MGAT4C: variants seen among roughly 807,000 people sequenced by gnomAD.
MGAT4C encodes MGAT4 family member C.
In MGAT4C, 19 loss-of-function variants were observed where a neutral mutation model predicts 40.1. The observed-to-expected ratio is 0.47, with a 90% CI of 0.33 to 0.70. The LOEUF (loss-of-function observed/expected upper bound fraction) is 0.70, where lower values mean the gene tolerates loss of function less well. MGAT4C is among the 30% of genes least tolerant of loss of function. MGAT4C has a pLI of 0.02. For synonymous variants in MGAT4C, 181 were observed against 187.1 expected (o/e 0.97, Z 0.27); for missense variants, 491 against 563.2 (o/e 0.87, Z 1.30).
In MGAT4C at chr12:85,983,544, C is replaced by T. The variant is rs200901180; in HGVS notation, c.274G>A (p.Ala92Thr). Residue 92 changes from alanine (A) to threonine (T), a missense_variant, in exon 4 of 5, where the codon GCC (alanine) becomes ACC (threonine). Transcript: ENST00000611864. ...TTACGCTTTCTTTGTAAAGGTGTGGCAGCTAGGTAGCGATAGGTGACATTT... is the reference window on the plus strand; with the variant it reads ...TTACGCTTTCTTTGTAAAGGTGTGGTAGCTAGGTAGCGATAGGTGACATTT... ...AINVTYRYLA[A>T]TPLQRKRYLT... 1.4e-5 allele frequency: 22 copies of T among 1,579,516 alleles called. No homozygotes were observed. The East Asian group carries it at 2.5e-4, about 18-fold the overall frequency.
intron 1 of MGAT4C, among the ~76,000 whole-genome samples, chr12:86,131,315 C>A (rs953306758): frequency 2.0e-5 from 3 of 151,988 alleles, no homozygotes; most frequent in African/African-American, 7.2e-5. Flanking sequence ...CATTTCTGAT[C>A]CAGGCAAATG....
intron 2 of MGAT4C, among the ~76,000 whole-genome samples, chr12:86,552,830 T>G (rs2136398557): frequency 6.6e-6 from 1 of 152,246 alleles, no homozygotes; most frequent in South Asian, 2.1e-4. Flanking sequence ...CTCTCAATTT[T>G]AATGACTTGC....
At chr12:86,705,311 A>G (rs1446312854) in intron 2 of MGAT4C, among the ~76,000 whole-genome samples, 1 of 152,046 alleles carries the variant, frequency 6.6e-6, no homozygotes, top group Non-Finnish European at 1.5e-5. Context: ...TAAATGAAAT[A>G]CAATTGGTTA....
intron 2 of MGAT4C, among the ~76,000 whole-genome samples, chr12:86,606,347 G>A (rs993591344): frequency 1.2e-4 from 19 of 152,122 alleles, no homozygotes; most frequent in Admixed American, 7.2e-4. Flanking sequence ...ATGTTATTGC[G>A]GTGTGGACGT....
intron 3 of MGAT4C, among the ~76,000 whole-genome samples, chr12:86,373,493 CAAAT>C (rs368223208): frequency 1.3e-5 from 2 of 151,820 alleles, no homozygotes; most frequent in African/African-American, 4.8e-5. Context: ...TATTTTTCCC[CAAAT>C]ACTTACAGCA....
At chr12:86,330,885 G>T (rs1400011151) in intron 4 of MGAT4C, among the ~76,000 whole-genome samples, 1 of 152,164 alleles carries the variant, frequency 6.6e-6, no homozygotes, top group Admixed American at 6.6e-5. Flanking sequence ...TCTTTCCAAA[G>T]AGATCTTCAA....
At chr12:86,446,113 T>C (rs192349989) in intron 2 of MGAT4C, among the ~76,000 whole-genome samples, 96 of 152,260 alleles carry the variant, frequency 6.3e-4, no homozygotes, top group Admixed American at 3.9e-3. Context: ...ACATAAAGTA[T>C]ATCACAAAAA....
chr12:86,329,115 A>C (rs1196701476), intron 4 of MGAT4C, among the ~76,000 whole-genome samples: 1 of 137,114 alleles, frequency 7.3e-6, no homozygotes, highest in African/African-American at 3.0e-5. Flanking sequence ...TAAATAAATA[A>C]ATAAATAAAT....
At chr12:86,695,763 C>A (rs2136605153) in intron 2 of MGAT4C, among the ~76,000 whole-genome samples, 1 of 151,560 alleles carries the variant, frequency 6.6e-6, no homozygotes. Context: ...ATGATGGTTA[C>A]CAGAGGCTAG....
intron 2 of MGAT4C, among the ~76,000 whole-genome samples, chr12:86,599,141 A>G (rs951234299): frequency 6.6e-6 from 1 of 152,108 alleles, no homozygotes; most frequent in Non-Finnish European, 1.5e-5. Flanking sequence ...TTGAAATCCA[A>G]TTATTATATT....
At chr12:86,439,115 C>T (rs752464865) in intron 2 of MGAT4C, among the ~76,000 whole-genome samples, 2 of 151,916 alleles carry the variant, frequency 1.3e-5, no homozygotes, top group Non-Finnish European at 2.9e-5. Flanking sequence ...CTACACTCTA[C>T]AGCAAATGAA....
chr12:86,302,003 C>A (rs1362454844), intron 4 of MGAT4C, among the ~76,000 whole-genome samples: 1 of 141,758 alleles, frequency 7.1e-6, no homozygotes, highest in Non-Finnish European at 1.5e-5. Flanking sequence ...TGCATTGCTG[C>A]AATATTTCAT....
chr12:86,731,227 T>C (rs1950901914), intron 1 of MGAT4C, among the ~76,000 whole-genome samples: 1 of 152,110 alleles, frequency 6.6e-6, no homozygotes, highest in Non-Finnish European at 1.5e-5. Flanking sequence ...TAAAAATATA[T>C]CTGGTTTTTA....
At chr12:86,830,575 C>T (rs1248639625) in intron 1 of MGAT4C, among the ~76,000 whole-genome samples, 1 of 151,796 alleles carries the variant, frequency 6.6e-6, no homozygotes, top group East Asian at 1.9e-4. Context: ...ATCTCCCAAG[C>T]AACTGCCAAC....
At chr12:86,045,888 A>G (rs1892355366) in intron 2 of MGAT4C, among the ~76,000 whole-genome samples, 1 of 152,194 alleles carries the variant, frequency 6.6e-6, no homozygotes, top group Admixed American at 6.5e-5. Context: ...AAAATTAGTA[A>G]TGTTAATATT....
At chr12:86,346,966 C>A (rs1030320350) in intron 3 of MGAT4C, among the ~76,000 whole-genome samples, 2 of 152,180 alleles carry the variant, frequency 1.3e-5, no homozygotes, top group Non-Finnish European at 2.9e-5. Flanking sequence ...ACTCCAATTT[C>A]TCTGGCTTTT....
At chr12:86,256,060 A>C (rs1364643662) in intron 1 of MGAT4C, among the ~76,000 whole-genome samples, 179 bp downstream of exon 1, 1 of 152,148 alleles carries the variant, frequency 6.6e-6, no homozygotes, top group Non-Finnish European at 1.5e-5. Flanking sequence ...TGTCAGGTAC[A>C]CGTTAGCAAG....
intron 1 of MGAT4C, among the ~76,000 whole-genome samples, chr12:86,249,916 T>C (rs1189525323): frequency 1.3e-5 from 2 of 152,178 alleles, no homozygotes; most frequent in Non-Finnish European, 2.9e-5. Flanking sequence ...GAGCACTCTG[T>C]GCATATCTCT....
At chr12:86,643,917 G>A (rs557845216) in intron 2 of MGAT4C, among the ~76,000 whole-genome samples, 17 of 151,638 alleles carry the variant, frequency 1.1e-4, no homozygotes, top group Admixed American at 2.6e-4. Flanking sequence ...TTTAAAAGGT[G>A]AATTTGTTGT....
Sources: gnomAD v4.1 joint callset for allele counts (sites outside exome capture counted in the v4.1 genomes callset) on GRCh38, gnomAD v4.1.1 for gene constraint, MANE v1.5 for transcripts, NCBI Gene and HGNC (gene_info 2026-07-23, HGNC 2026-07-21) for gene names.